NOX3: variants seen among roughly 807,000 people sequenced by gnomAD.
NOX3 encodes the protein NADPH oxidase 3.
NOX3 carries 74 observed loss-of-function variants against 76.7 expected under a neutral mutation model. That is an observed-to-expected ratio of 0.96 (90% CI 0.80 to 1.17). The LOEUF (loss-of-function observed/expected upper bound fraction) is 1.17. NOX3 is among the 50% of genes most tolerant of loss of function. The pLI is 0.00. For synonymous variants in NOX3, 263 were observed against 261.1 expected (o/e 1.01, Z -0.07); for missense variants, 695 against 703.3 (o/e 0.99, Z 0.13).
At chr6:155,425,469 C>T (rs1776744717) in intron 9 of NOX3, among the ~76,000 whole-genome samples, 1 of 152,154 alleles carries the variant, frequency 6.6e-6, no homozygotes, top group African/African-American at 2.4e-5. Context: ...GCACCCCACC[C>T]TACCCCATTA....
intron 10 of NOX3, 43 bp downstream of exon 10, chr6:155,422,651 A>G (rs1776705072): frequency 1.3e-6 from 2 of 1,593,114 alleles, no homozygotes; most frequent in Non-Finnish European, 1.7e-6. Context: ...AGGACATTGA[A>G]CCTTTTAATC....
intron 11 of NOX3, among the ~76,000 whole-genome samples, chr6:155,408,196 C>T (rs1287839776): frequency 6.6e-6 from 1 of 152,084 alleles, no homozygotes; most frequent in Admixed American, 6.6e-5. Context: ...CTGTGTTAGC[C>T]GGGATGGTCT....
intron 4 of NOX3, among the ~76,000 whole-genome samples, chr6:155,447,124 C>T: frequency 6.6e-6 from 1 of 151,554 alleles, no homozygotes; most frequent in East Asian, 1.9e-4. Flanking sequence ...CAGCTAACTG[C>T]AAACTCTGCC....
chr6:155,401,968 T>C (rs1248215195), intron 12 of NOX3, among the ~76,000 whole-genome samples: 1 of 152,180 alleles, frequency 6.6e-6, no homozygotes, highest in Non-Finnish European at 1.5e-5. Context: ...TTTTATTCAA[T>C]TAATTAAAAG....
intron 10 of NOX3, among the ~76,000 whole-genome samples, chr6:155,421,891 A>G (rs1290591982): frequency 6.6e-6 from 1 of 152,158 alleles, no homozygotes; most frequent in Non-Finnish European, 1.5e-5. Context: ...AATTCTCTCT[A>G]GTGGATCATG....
rs1276643821 is a variant in NOX3, at chr6:155,396,904, T to A, written c.1639A>T (p.Met547Leu). 4 of 1,613,370 alleles carry A rather than the reference T, an allele frequency of 2.5e-6. No individual in the cohort carries two copies. The East Asian group carries it at 6.7e-5, about 27-fold the overall frequency. The change falls in exon 13 of 14, where the codon ATG (methionine) becomes TTG (leucine). Residue 547 changes from methionine to leucine, a missense_variant. By Grantham distance (15) the Met-to-Leu change is conservative. Coordinates refer to ENST00000159060, the MANE Select transcript of NOX3 (RefSeq NM_015718.3). ...TCAGCTGATGAATACAAGTGGCACA[T>A]CTTTTGAAGTGTCCTCGAGAGAGCT... ...PKALSRTLQK[M>L]CHLYSSADPR... is the part of the protein sequence containing the mutation.
rs1582935492 is a variant in NOX3 at position 155,422,679 on chromosome 6, A to T, written c.1308+15T>A. 1 of 1,612,814 alleles carries T rather than the reference A, an allele frequency of 6.2e-7. No individual in the cohort carries two copies. Among genetic ancestry groups the T allele is most frequent in the East Asian group, 2.2e-5 (1 of 44,862 alleles). Reference sequence around the variant, plus strand: ...TTTTAATCCATGGAAGGGTGAACTAATGATTTTTCCGTACCTTGCTCAGCT... The same window carrying T: ...TTTTAATCCATGGAAGGGTGAACTATTGATTTTTCCGTACCTTGCTCAGCT... On this transcript the variant is annotated intron_variant, in intron 10 of 13. Coordinates refer to ENST00000159060, the MANE Select transcript of NOX3 (RefSeq NM_015718.3).
chr6:155,443,081 G>T (rs950808512), intron 5 of NOX3, among the ~76,000 whole-genome samples, 192 bp downstream of exon 5: 5 of 152,000 alleles, frequency 3.3e-5, no homozygotes, highest in African/African-American at 1.2e-4. Context: ...TTTTCTCCTT[G>T]CTCATAACTT....
chr6:155,455,438 C>T (rs537244889), intron 1 of NOX3, among the ~76,000 whole-genome samples: 163 of 152,208 alleles, frequency 1.1e-3, no homozygotes, highest in African/African-American at 3.6e-3. Flanking sequence ...AAAACAACTC[C>T]GAGAGTTCTC....
At chr6:155,403,254 T>A (rs936533063) in intron 12 of NOX3, among the ~76,000 whole-genome samples, 5 of 152,228 alleles carry the variant, frequency 3.3e-5, no homozygotes, top group African/African-American at 4.8e-5. Flanking sequence ...GAAAACAAAA[T>A]TATTTTAAGG....
chr6:155,431,929 C>T (rs971700284), intron 7 of NOX3, among the ~76,000 whole-genome samples: 5 of 152,132 alleles, frequency 3.3e-5, no homozygotes, highest in African/African-American at 7.2e-5. Flanking sequence ...GCCATATTAT[C>T]GTGGTCCTTT....
chr6:155,407,372 G>C, intron 11 of NOX3, 118 bp from the exon 12 acceptor site: 1 of 947,596 alleles, frequency 1.1e-6, no homozygotes, highest in Non-Finnish European at 1.5e-6. Flanking sequence ...TACAGGGCTG[G>C]CAATGCTTAT....
At chr6:155,442,263 C>CA (rs529267466) in intron 5 of NOX3, among the ~76,000 whole-genome samples, 13 of 150,628 alleles carry the variant, frequency 8.6e-5, no homozygotes, top group East Asian at 1.9e-4. Flanking sequence ...GACTCTGTCT[C>CA]AAAAAAAATA....
chr6:155,452,804 C>T (rs1295402264), intron 4 of NOX3, among the ~76,000 whole-genome samples: 2 of 152,132 alleles, frequency 1.3e-5, no homozygotes, highest in African/African-American at 4.8e-5. Flanking sequence ...ATGACTGCTC[C>T]TCCTCCTTTC....
chr6:155,402,220 A>G (rs1779240577), intron 12 of NOX3, among the ~76,000 whole-genome samples: 1 of 152,220 alleles, frequency 6.6e-6, no homozygotes, highest in Non-Finnish European at 1.5e-5. Flanking sequence ...ATAGATGGCA[A>G]TGAATGTATT....
chr6:155,452,532 G>A (rs1032065761), intron 4 of NOX3, among the ~76,000 whole-genome samples: 1 of 152,104 alleles, frequency 6.6e-6, no homozygotes, highest in African/African-American at 2.4e-5. Context: ...TTCCCCTCAT[G>A]TCTCACTGCA....
At position 155,430,953 on chromosome 6, in the gene NOX3, G is replaced by A; in HGVS notation, c.799-18C>T. 3 of 1,429,760 alleles carry A rather than the reference G, an allele frequency of 2.1e-6. No homozygotes were observed. The highest frequency in any genetic ancestry group is 2.9e-6 in the Non-Finnish European group (3 of 1,021,088). The allele number at this position is 1,429,760 out of a possible 1,614,324, so 88.6% of individuals were successfully genotyped here. A position where few individuals can be genotyped will look rare whatever the true frequency, so the allele number is the denominator to read the frequency against. On this transcript the variant is annotated intron_variant, in intron 7 of 13. Coordinates refer to ENST00000159060, the MANE Select transcript of NOX3 (RefSeq NM_015718.3). Reference sequence around the variant, plus strand: ...TTCCAAGCCTGAAGAGAGTAGCAGAGAGAGAGAGAAAAAGGAAATGAAAAT... The same window carrying A: ...TTCCAAGCCTGAAGAGAGTAGCAGAAAGAGAGAGAAAAAGGAAATGAAAAT...
chr6:155,410,573 A>C (rs779311034), intron 11 of NOX3, among the ~76,000 whole-genome samples: 4 of 152,178 alleles, frequency 2.6e-5, no homozygotes, highest in Non-Finnish European at 5.9e-5. Flanking sequence ...ACCATAGTCA[A>C]TATTTTGGTA....
rs572788938 is a variant in NOX3 at position 155,442,213 on chromosome 6, G to A, written c.486+1060C>T. Among the ~76,000 whole-genome samples, 10 of 152,200 alleles carry A rather than the reference G, an allele frequency of 6.6e-5. No individual in the cohort carries two copies. In the East Asian group the frequency reaches 1.9e-3, roughly 29 times the overall value. ...CGGGAGGCGGAGCTTGCAGTGAGCC[G>A]TGATCGCACCACTGCACTCCAGCTC... On this transcript the variant is annotated intron_variant, in intron 5 of 13. Transcript: ENST00000159060.
Sources: gnomAD v4.1 joint callset for allele counts (sites outside exome capture counted in the v4.1 genomes callset) on GRCh38, gnomAD v4.1.1 for gene constraint, MANE v1.5 for transcripts, NCBI Gene and HGNC (gene_info 2026-07-23, HGNC 2026-07-21) for gene names.